CDH4: variants seen among roughly 807,000 people sequenced by gnomAD.
CDH4 encodes the protein cadherin-4.
Under a neutral mutation model 86.0 loss-of-function variants are expected in CDH4, and 33 were observed. The observed-to-expected ratio is 0.38, with a 90% confidence interval of 0.29 to 0.51. The LOEUF (loss-of-function observed/expected upper bound fraction) is 0.51. CDH4 is among the 20% of genes least tolerant of loss of function. The pLI is 0.86. For missense variants in CDH4, 1,114 were observed against 1,307.4 expected, an observed-to-expected ratio of 0.85 and a Z score of 2.28; for synonymous variants, 555 against 549.4, an observed-to-expected ratio of 1.01 and a Z score of -0.14.
At chr20:61,390,789 GCA>G (rs1251771041) in intron 2 of CDH4, among the ~76,000 whole-genome samples, 3 of 142,996 alleles carry the variant, frequency 2.1e-5, no homozygotes, top group Admixed American at 1.4e-4. Flanking sequence ...ATGAGATCGT[GCA>G]GTCATAGGGT....
At chr20:61,272,961 G>A (rs1237406741) in intron 2 of CDH4, among the ~76,000 whole-genome samples, 19 of 112,980 alleles carry the variant, frequency 1.7e-4, no homozygotes, top group East Asian at 5.9e-4. Context: ...AGTATTGGGG[G>A]AGTACCATGT....
chr20:61,867,596 A>G (rs1983609288), intron 6 of CDH4, among the ~76,000 whole-genome samples: 1 of 149,020 alleles, frequency 6.7e-6, no homozygotes, highest in Non-Finnish European at 1.5e-5. Flanking sequence ...AATTGAGCCC[A>G]AGTAAAGTGG....
intron 2 of CDH4, among the ~76,000 whole-genome samples, chr20:61,296,581 G>C (rs2084356377): frequency 6.6e-6 from 1 of 152,060 alleles, no homozygotes; most frequent in Non-Finnish European, 1.5e-5. Context: ...GTGTTTTGCA[G>C]AGCAGCATTT....
At chr20:61,458,454 G>A (rs555554570) in intron 2 of CDH4, among the ~76,000 whole-genome samples, 1 of 139,986 alleles carries the variant, frequency 7.1e-6, no homozygotes, top group Non-Finnish European at 1.6e-5. Flanking sequence ...GGTTGTGATG[G>A]TGATGGCAGT....
At chr20:61,585,817 GGATGGTGAT>G (rs572339991) in intron 2 of CDH4, among the ~76,000 whole-genome samples, 1,777 of 142,688 alleles carry the variant, frequency 0.012, 33 homozygotes, top group African/African-American at 0.045. Flanking sequence ...GTCATGCAGA[GGATGGTGAT>G]GATGGTGATG....
intron 2 of CDH4, among the ~76,000 whole-genome samples, chr20:61,329,766 G>C (rs967922755): frequency 6.6e-6 from 1 of 152,126 alleles, no homozygotes; most frequent in Non-Finnish European, 1.5e-5. Context: ...GTGCCGTGGT[G>C]GTTTGCTGCA....
chr20:61,877,986 C>T (rs557411225), intron 7 of CDH4, among the ~76,000 whole-genome samples: 171 of 152,214 alleles, frequency 1.1e-3, no homozygotes, highest in African/African-American at 3.4e-3. Flanking sequence ...GGGTCATCAC[C>T]AGGAACCACG....
intron 14 of CDH4, 131 bp from the exon 15 acceptor site, chr20:61,933,925 G>A: frequency 1.0e-6 from 1 of 997,210 alleles, no homozygotes; most frequent in Admixed American, 2.0e-5. Flanking sequence ...ATGGTTCTGT[G>A]GGATGCTTGG....
intron 4 of CDH4, among the ~76,000 whole-genome samples, chr20:61,837,021 C>T (rs1342466293): frequency 6.6e-6 from 1 of 152,192 alleles, no homozygotes; most frequent in Admixed American, 6.5e-5. Flanking sequence ...TAGTGAAACC[C>T]TATCTCTACA....
chr20:61,850,335 G>A (rs920636322), intron 5 of CDH4, among the ~76,000 whole-genome samples: 5 of 152,196 alleles, frequency 3.3e-5, no homozygotes, highest in Non-Finnish European at 5.9e-5. Flanking sequence ...CTGAGCAAAC[G>A]CACGGTGCGT....
chr20:61,334,723 C>T (rs958908869), intron 2 of CDH4, among the ~76,000 whole-genome samples: 14 of 152,212 alleles, frequency 9.2e-5, no homozygotes, highest in African/African-American at 3.4e-4. Flanking sequence ...GACATGAGCA[C>T]CCACACCTCT....
At chr20:61,534,204 G>T (rs1307271997) in intron 2 of CDH4, among the ~76,000 whole-genome samples, 1 of 152,166 alleles carries the variant, frequency 6.6e-6, no homozygotes, top group Non-Finnish European at 1.5e-5. Flanking sequence ...TTTGCACTCT[G>T]CTATGGAAAT....
chr20:61,498,159 A>G (rs2085675864), intron 2 of CDH4, among the ~76,000 whole-genome samples: 1 of 152,026 alleles, frequency 6.6e-6, no homozygotes, highest in African/African-American at 2.4e-5. Context: ...ATACATATGT[A>G]ACTAACCTGC....
chr20:61,473,556 C>T (rs1297662289), intron 2 of CDH4, among the ~76,000 whole-genome samples: 1 of 152,126 alleles, frequency 6.6e-6, no homozygotes, highest in Admixed American at 6.5e-5. Context: ...ACATTTTAAC[C>T]AATAGAACCA....
chr20:61,531,072 G>A (rs62201783), intron 2 of CDH4, among the ~76,000 whole-genome samples: 19,788 of 152,172 alleles, frequency 0.13, 1,383 homozygotes, highest in African/African-American at 0.16. Flanking sequence ...GGCTGCTGAG[G>A]GAAATTCGGT....
At position 61,776,741 on chromosome 20, in the gene CDH4, G is replaced by A. The variant is rs554135510; in HGVS notation, c.576+3559G>A. Among the ~76,000 whole-genome samples the A allele has an allele frequency of 9.7e-4, 148 of 152,346 alleles. 5 individuals carry two copies. In the South Asian group the frequency reaches 0.029, roughly 30 times the overall value. On this transcript the variant is annotated intron_variant, in intron 4 of 15. Transcript: ENST00000614565. ...GGTGGGCAGGGCGAGGGTGGCCTGT[G>A]CTCCAGCCATTCAGCCACCCAGGAT...
chr20:61,460,915 C>T (rs1010030299), intron 2 of CDH4, among the ~76,000 whole-genome samples: 8 of 152,158 alleles, frequency 5.3e-5, no homozygotes, highest in South Asian at 2.1e-4. Flanking sequence ...CTTGCCAGCA[C>T]GGGCTCTCTG....
intron 2 of CDH4, among the ~76,000 whole-genome samples, chr20:61,664,285 T>C (rs1478360456): frequency 6.6e-6 from 1 of 152,202 alleles, no homozygotes; most frequent in Non-Finnish European, 1.5e-5. Flanking sequence ...GACATCCACA[T>C]GCCCCAGGCA....
intron 2 of CDH4, among the ~76,000 whole-genome samples, chr20:61,614,790 G>A (rs563690319): frequency 6.6e-6 from 1 of 152,098 alleles, no homozygotes; most frequent in Non-Finnish European, 1.5e-5. Flanking sequence ...ACTCACTAAT[G>A]GGGGCCCGCT....
Sources: gnomAD v4.1 joint callset for allele counts (sites outside exome capture counted in the v4.1 genomes callset) on GRCh38, gnomAD v4.1.1 for gene constraint, MANE v1.5 for transcripts, NCBI Gene and HGNC (gene_info 2026-07-23, HGNC 2026-07-21) for gene names.